SP4: variants seen among roughly 807,000 people sequenced by gnomAD.
SP4 encodes the protein Sp4 transcription factor.
In SP4, 19 loss-of-function variants were observed where a neutral mutation model predicts 72.8. That is an observed-to-expected ratio of 0.26 (90% confidence interval 0.18 to 0.38). SP4 has a LOEUF of 0.38. Ranked by LOEUF, SP4 falls within the 10% of genes least tolerant of loss-of-function variation. SP4 has a pLI of 1.00. For missense variants in SP4, 1,008 were observed against 926.3 expected (o/e 1.09, Z -1.14); for synonymous variants, 395 against 333.1 (o/e 1.19, Z -2.02).
chr7:21,442,130 C>G (rs1486574104), intron 3 of SP4, among the ~76,000 whole-genome samples: 2 of 151,088 alleles, frequency 1.3e-5, no homozygotes, highest in Non-Finnish European at 2.9e-5. Flanking sequence ...CCTCTGCCTC[C>G]CAGGTTCAAG....
intron 5 of SP4, among the ~76,000 whole-genome samples, chr7:21,505,534 T>A (rs1781971797): frequency 6.6e-6 from 1 of 152,196 alleles, no homozygotes; most frequent in African/African-American, 2.4e-5. Flanking sequence ...AGGGGTACTG[T>A]TGTTTTCTCC....
chr7:21,481,556 G>C (rs142280295), intron 4 of SP4, among the ~76,000 whole-genome samples: 3 of 152,100 alleles, frequency 2.0e-5, no homozygotes, highest in African/African-American at 7.2e-5. Context: ...TGCTAGAAAC[G>C]AAACTCTGCA....
chr7:21,497,152 T>A (rs1781729885), intron 5 of SP4, among the ~76,000 whole-genome samples: 1 of 152,224 alleles, frequency 6.6e-6, no homozygotes, highest in South Asian at 2.1e-4. Context: ...CTGCCTTACA[T>A]CTGGGAGAAG....
intron 5 of SP4, among the ~76,000 whole-genome samples, chr7:21,502,461 T>C (rs1167367039): frequency 6.6e-6 from 1 of 151,986 alleles, no homozygotes; most frequent in Non-Finnish European, 1.5e-5. Flanking sequence ...TGACAGACTC[T>C]TACAAGTCTC....
Position 21,429,505 on chromosome 7 carries a change from G to A in SP4, c.340G>A (p.Glu114Lys). ...LVASTPPASK[E>K]NNVSQPASSS... The stretch of plus-strand genomic sequence containing the variant: ...TGCCTCCACTCCTCCTGCTTCAAAA[G>A]AGAATAACGTTTCTCAACCAGCCTC... Residue 114 changes from glutamate (E) to lysine (K), a missense_variant, in exon 3 of 6, where the codon GAG becomes AAG. Coordinates refer to ENST00000222584, the MANE Select transcript of SP4 (RefSeq NM_003112.5). 6.2e-7 allele frequency: 1 copy of A among 1,614,196 alleles called. No individual in the cohort carries two copies. The highest frequency in any genetic ancestry group is 8.5e-7 in the Non-Finnish European group (1 of 1,180,028).
chr7:21,476,595 A>C (rs917449946), intron 3 of SP4, among the ~76,000 whole-genome samples: 1 of 152,240 alleles, frequency 6.6e-6, no homozygotes, highest in African/African-American at 2.4e-5. Context: ...TAAACTATTT[A>C]GGAATGCAAG....
chr7:21,496,481 T>G (rs1430595383), intron 5 of SP4, among the ~76,000 whole-genome samples: 1 of 152,130 alleles, frequency 6.6e-6, no homozygotes, highest in Admixed American at 6.5e-5. Flanking sequence ...ACCCCATCAT[T>G]TCATAAATAA....
Position 21,509,958 on chromosome 7 carries a change from C to T in SP4, c.2108-1064C>T, listed in dbSNP as rs114655759. Reference sequence around the variant, plus strand: ...GTGGAGGGCAAAGAGGAGCAAATCACATCTCGTGTGGATGGTGGCAGGCAA... The same window carrying T: ...GTGGAGGGCAAAGAGGAGCAAATCATATCTCGTGTGGATGGTGGCAGGCAA... On this transcript the variant is annotated intron_variant, in intron 5 of 5. Coordinates refer to ENST00000222584, the MANE Select transcript of SP4 (RefSeq NM_003112.5). Among the ~76,000 whole-genome samples the T allele has an allele frequency of 9.2e-3, 1,397 of 152,288 alleles. 25 individuals are homozygous for T. Among genetic ancestry groups the T allele is most frequent in the African/African-American group, 0.032 (1,346 of 41,536 alleles).
intron 5 of SP4, among the ~76,000 whole-genome samples, chr7:21,490,262 T>A (rs988218157): frequency 1.3e-5 from 2 of 152,200 alleles, no homozygotes; most frequent in Admixed American, 1.3e-4. Flanking sequence ...CTGCGGGCAC[T>A]GCATAGCAGG....
chr7:21,435,324 T>TA lies in SP4; in HGVS notation c.1678+4485dup, dbSNP rs1158962451. Reference sequence around the variant, plus strand: ...TAATTTCTTTACTTCTCCAAGGAATTAAAATATGAAACCTGGGGATATAGT... The same window carrying TA: ...TAATTTCTTTACTTCTCCAAGGAATTAAAAATATGAAACCTGGGGATATAGT... On this transcript the variant is annotated intron_variant, in intron 3 of 5. Coordinates refer to ENST00000222584, the MANE Select transcript of SP4 (RefSeq NM_003112.5). Among the ~76,000 whole-genome samples, 169 of 152,288 alleles carry TA rather than the reference T, an allele frequency of 1.1e-3. 1 individual carries two copies. The highest frequency in any genetic ancestry group is 2.8e-3 in the African/African-American group (118 of 41,560).
At chr7:21,453,646 AT>A (rs910405985) in intron 3 of SP4, among the ~76,000 whole-genome samples, 1 of 152,214 alleles carries the variant, frequency 6.6e-6, no homozygotes, top group Non-Finnish European at 1.5e-5. Flanking sequence ...ATAAAACCTT[AT>A]AGACAAATCT....
At chr7:21,446,050 ATATATG>A (rs1338647508) in intron 3 of SP4, among the ~76,000 whole-genome samples, 4 of 99,378 alleles carry the variant, frequency 4.0e-5, no homozygotes, top group African/African-American at 8.0e-5. Flanking sequence ...GTAGGTAGAT[ATATATG>A]TGTGTGTGTG....
At chr7:21,510,030 T>G (rs1174996914) in intron 5 of SP4, among the ~76,000 whole-genome samples, 3 of 152,140 alleles carry the variant, frequency 2.0e-5, no homozygotes, top group Non-Finnish European at 4.4e-5. Context: ...GATAAAACTA[T>G]CGTATCTTGT....
At chr7:21,441,844 T>C (rs1783254025) in intron 3 of SP4, among the ~76,000 whole-genome samples, 1 of 152,160 alleles carries the variant, frequency 6.6e-6, no homozygotes, top group African/African-American at 2.4e-5. Context: ...CCCTGCTCTG[T>C]ATCAAGCATG....
chr7:21,443,547 G>A (rs1339101421), intron 3 of SP4, among the ~76,000 whole-genome samples: 1 of 152,176 alleles, frequency 6.6e-6, no homozygotes, highest in African/African-American at 2.4e-5. Flanking sequence ...GTTTAGTACA[G>A]TTCTGTAATA....
intron 5 of SP4, among the ~76,000 whole-genome samples, chr7:21,502,056 A>T (rs1781883588): frequency 1.4e-5 from 1 of 69,716 alleles, no homozygotes; most frequent in South Asian, 8.4e-4. Context: ...CCCCCCCCGG[A>T]ACTCCTATAG....
At chr7:21,443,541 A>G (rs1783325772) in intron 3 of SP4, among the ~76,000 whole-genome samples, 1 of 152,238 alleles carries the variant, frequency 6.6e-6, no homozygotes, top group South Asian at 2.1e-4. Context: ...GAAGGGGTTT[A>G]GTACAGTTCT....
Position 21,428,159 on chromosome 7 carries a change from C to T in SP4, c.-93C>T. ...ACAGCCTCCTCCGAGCCACCGCGGGCGGGCGGGACCGGCCTCTCCTCCCGC... is the reference window on the plus strand; with the variant it reads ...ACAGCCTCCTCCGAGCCACCGCGGGTGGGCGGGACCGGCCTCTCCTCCCGC... On this transcript the variant is annotated 5_prime_UTR_variant, in exon 1 of 6. Coordinates refer to ENST00000222584, the MANE Select transcript of SP4 (RefSeq NM_003112.5). 1.3e-6 allele frequency: 1 copy of T among 757,816 alleles called. No homozygotes were observed. 46.9% of individuals were successfully genotyped at this position (757,816 alleles called of 1,614,324 possible). A position where few individuals can be genotyped will look rare whatever the true frequency, so the allele number is the denominator to read the frequency against.
intron 2 of SP4, 137 bp downstream of exon 2, chr7:21,428,929 T>C (rs1782728049): frequency 1.4e-6 from 1 of 729,812 alleles, no homozygotes; most frequent in Non-Finnish European, 2.3e-6. Context: ...GGAACTTAAA[T>C]TGTAAATTCA....
Sources: allele counts gnomAD v4.1 joint callset (sites outside exome capture counted in the v4.1 genomes callset), GRCh38; gene constraint gnomAD v4.1.1; transcripts MANE v1.5; gene names NCBI Gene and HGNC (gene_info 2026-07-23, HGNC 2026-07-21).